ADAMTS18: variants seen among roughly 807,000 people sequenced by gnomAD.
The protein encoded by ADAMTS18 is ADAM metallopeptidase with thrombospondin type 1 motif 18.
In ADAMTS18, 157 loss-of-function variants were observed where a neutral mutation model predicts 165.9. The ratio of observed to expected loss-of-function variants is 0.95; its 90% CI spans 0.83 to 1.08. The LOEUF (loss-of-function observed/expected upper bound fraction) is 1.08, where lower values mean the gene tolerates loss of function less well. Ranked by LOEUF, ADAMTS18 falls within the 50% of genes least tolerant of loss-of-function variation. ADAMTS18 has a pLI of 0.00. For missense variants in ADAMTS18, 2,040 were observed against 1,534.0 expected, an observed-to-expected ratio of 1.33 and a Z score of -5.51; for synonymous variants, 782 against 578.2, an observed-to-expected ratio of 1.35 and a Z score of -5.06.
intron 8 of ADAMTS18, among the ~76,000 whole-genome samples, chr16:77,357,033 T>C (rs1180132275): frequency 6.7e-6 from 1 of 149,762 alleles, no homozygotes; most frequent in Non-Finnish European, 1.5e-5. Context: ...CGGAAGGATA[T>C]AAATATGAAT....
intron 5 of ADAMTS18, 63 bp from the exon 6 acceptor site, chr16:77,363,948 C>G: frequency 6.7e-7 from 1 of 1,482,710 alleles, no homozygotes; most frequent in Non-Finnish European, 9.4e-7. Flanking sequence ...GGGAATCAAT[C>G]AGACATATTG....
chr16:77,334,133 T>TAGTGTTATATATTATATATAATATAC (rs2056242329), intron 12 of ADAMTS18, among the ~76,000 whole-genome samples: 1 of 53,754 alleles, frequency 1.9e-5, no homozygotes, highest in African/African-American at 7.2e-5. Flanking sequence ...ATATAATATA[T>TAGTGTTATATATTATATATAATATAC]AGTGTTATAT....
chr16:77,293,293 A>G (rs1597084964), intron 19 of ADAMTS18, 35 bp from the exon 20 acceptor site: 3 of 1,573,618 alleles, frequency 1.9e-6, no homozygotes, highest in African/African-American at 1.4e-5. Flanking sequence ...TTGCATTCCC[A>G]TTAGGTTTCA....
intron 11 of ADAMTS18, among the ~76,000 whole-genome samples, chr16:77,338,018 C>A (rs887116948): frequency 2.6e-5 from 4 of 151,824 alleles, no homozygotes; most frequent in African/African-American, 9.7e-5. Context: ...ATTCTCCTGC[C>A]TCAGCCTTCC....
rs770997759 is a variant in ADAMTS18 at position 77,295,050 on chromosome 16, T to C, written c.2879A>G (p.Gln960Arg). 8 of 1,614,084 alleles carry C rather than the reference T, an allele frequency of 5.0e-6. No individual in the cohort carries two copies. The highest frequency in any genetic ancestry group is 2.5e-6 in the Non-Finnish European group (3 of 1,180,042). The change falls in exon 19 of 23, where the codon CAA (glutamine) becomes CGA (arginine). Residue 960 changes from glutamine (Q) to arginine (R), a missense_variant. Coordinates refer to ENST00000282849, the MANE Select transcript of ADAMTS18 (RefSeq NM_199355.4). ...GQQSRKIQCV[Q>R]KKPFQKEEAV... ...TTCCTCCTTTTGGAAGGGCTTCTTT[T>C]GCACACACTGGATCTTTCGGCTCTG...
chr16:77,390,432 C>T (rs1410994401), intron 3 of ADAMTS18, among the ~76,000 whole-genome samples: 1 of 152,120 alleles, frequency 6.6e-6, no homozygotes, highest in African/African-American at 2.4e-5. Context: ...TGGCTCACAT[C>T]TGTAATCCCA....
chr16:77,433,956 G>GAA (rs200038212), intron 2 of ADAMTS18, among the ~76,000 whole-genome samples: 1 of 148,982 alleles, frequency 6.7e-6, no homozygotes, highest in African/African-American at 2.5e-5. Flanking sequence ...AAGCAGAAAT[G>GAA]AAAAAAAAAG....
chr16:77,425,512 A>T (rs2057660314), intron 3 of ADAMTS18, among the ~76,000 whole-genome samples: 2 of 152,224 alleles, frequency 1.3e-5, no homozygotes, highest in African/African-American at 4.8e-5. Flanking sequence ...TCACCCATGT[A>T]TTACAAAGCT....
At chr16:77,325,405 C>G (rs1181552750) in intron 13 of ADAMTS18, among the ~76,000 whole-genome samples, 1 of 152,072 alleles carries the variant, frequency 6.6e-6, no homozygotes, top group Non-Finnish European at 1.5e-5. Flanking sequence ...ATTTATGATT[C>G]TGTGTGTGTG....
intron 7 of ADAMTS18, among the ~76,000 whole-genome samples, chr16:77,359,879 T>C (rs1186226533): frequency 1.3e-5 from 2 of 152,202 alleles, no homozygotes; most frequent in African/African-American, 4.8e-5. Context: ...CCTGGTCTTT[T>C]ACTAGAGCAG....
At chr16:77,319,053 T>C (rs995733882) in intron 16 of ADAMTS18, among the ~76,000 whole-genome samples, 5 of 151,856 alleles carry the variant, frequency 3.3e-5, no homozygotes, top group Non-Finnish European at 7.4e-5. Flanking sequence ...TTAATTATCA[T>C]TTTTTTTACC....
intron 6 of ADAMTS18, 25 bp from the exon 7 acceptor site, chr16:77,362,289 AGT>A (rs775987252): frequency 6.2e-7 from 1 of 1,613,378 alleles, no homozygotes; most frequent in South Asian, 1.1e-5. Flanking sequence ...CACAAATCAA[AGT>A]GTGAATTTGT....
intron 3 of ADAMTS18, among the ~76,000 whole-genome samples, chr16:77,394,124 C>G (rs2057226257): frequency 1.3e-5 from 2 of 152,238 alleles, no homozygotes; most frequent in South Asian, 4.1e-4. Context: ...CTTGATATCA[C>G]TGCACATTAA....
chr16:77,433,852 C>G (rs12925025), intron 2 of ADAMTS18, among the ~76,000 whole-genome samples: 72,943 of 151,410 alleles, frequency 0.48, 18,507 homozygotes, highest in Non-Finnish European at 0.58. Context: ...TTGTGGCTGG[C>G]GAACGTCAGA....
intron 12 of ADAMTS18, among the ~76,000 whole-genome samples, chr16:77,327,124 C>A (rs75278575): frequency 0.032 from 4,862 of 152,234 alleles, 98 homozygotes; most frequent in Non-Finnish European, 0.05. Context: ...TGATTCCATG[C>A]CTTTGCTATC....
At chr16:77,412,909 C>G (rs1473662042) in intron 3 of ADAMTS18, among the ~76,000 whole-genome samples, 1 of 152,024 alleles carries the variant, frequency 6.6e-6, no homozygotes, top group Non-Finnish European at 1.5e-5. Context: ...GTTGCCCAGG[C>G]TGGTCTTGAA....
chr16:77,317,690 C>T (rs1161959631), intron 16 of ADAMTS18, among the ~76,000 whole-genome samples: 1 of 152,152 alleles, frequency 6.6e-6, no homozygotes, highest in Non-Finnish European at 1.5e-5. Flanking sequence ...TAATTTCACC[C>T]ACCATAACTC....
intron 2 of ADAMTS18, among the ~76,000 whole-genome samples, chr16:77,434,142 A>G (rs2057768910): frequency 1.6e-5 from 2 of 124,360 alleles, no homozygotes; most frequent in South Asian, 5.1e-4. Context: ...TTCTCACTGC[A>G]GTTAGGATTT....
At chr16:77,370,492 G>A (rs2056861040) in intron 3 of ADAMTS18, among the ~76,000 whole-genome samples, 1 of 152,188 alleles carries the variant, frequency 6.6e-6, no homozygotes, top group Admixed American at 6.5e-5. Flanking sequence ...GCTCACACCT[G>A]TAATCTCAGG....
Sources: allele counts gnomAD v4.1 joint callset (sites outside exome capture counted in the v4.1 genomes callset), GRCh38; gene constraint gnomAD v4.1.1; transcripts MANE v1.5; gene names NCBI Gene and HGNC (gene_info 2026-07-23, HGNC 2026-07-21).